Variants in HECW1 observed in about 807,000 individuals in gnomAD.
The protein encoded by HECW1 is HECT, C2 and WW domain containing E3 ubiquitin protein ligase 1, also known as E3 ubiquitin-protein ligase HECW1.
HECW1 carries 61 observed loss-of-function variants against 182.3 expected under a neutral mutation model. The observed-to-expected ratio is 0.33, with a 90% CI of 0.27 to 0.41. HECW1 has a LOEUF of 0.41. HECW1 is among the 10% of genes least tolerant of loss of function. The pLI is 1.00. For missense variants in HECW1, 1,739 were observed against 2,108.9 expected (o/e 0.82, Z 3.44); for synonymous variants, 859 against 832.6 (o/e 1.03, Z -0.55).
intron 2 of HECW1, among the ~76,000 whole-genome samples, chr7:43,168,579 G>A (rs1791367024): frequency 6.6e-6 from 1 of 152,108 alleles, no homozygotes; most frequent in African/African-American, 2.4e-5. Flanking sequence ...GGGATCACTT[G>A]AGCCTAGGAT....
At chr7:43,462,319 C>T (rs959938565) in intron 13 of HECW1, among the ~76,000 whole-genome samples, 1 of 152,086 alleles carries the variant, frequency 6.6e-6, no homozygotes, top group East Asian at 1.9e-4. Flanking sequence ...AGCTCCTCTC[C>T]TCCAGTGCAT....
At chr7:43,199,580 A>G (rs1401916677) in intron 2 of HECW1, among the ~76,000 whole-genome samples, 2 of 152,140 alleles carry the variant, frequency 1.3e-5, no homozygotes, top group Admixed American at 1.3e-4. Context: ...CTGTCAACAA[A>G]AATAAGTACA....
At chr7:43,178,003 GT>G (rs1034003694) in intron 2 of HECW1, among the ~76,000 whole-genome samples, 1 of 152,094 alleles carries the variant, frequency 6.6e-6, no homozygotes, top group African/African-American at 2.4e-5. Context: ...TGTGGGCAGG[GT>G]TTTTTTGGTT....
intron 24 of HECW1, among the ~76,000 whole-genome samples, chr7:43,516,423 TAAATAA>T (rs1226969898): frequency 1.3e-5 from 2 of 152,166 alleles, no homozygotes; most frequent in African/African-American, 4.8e-5. Flanking sequence ...TAAAATAAAA[TAAATAA>T]AAACAGTAAA....
In HECW1 at chr7:43,315,134, G is replaced by A. The variant is rs542837493; in HGVS notation, c.352+3047G>A. On this transcript the variant is annotated intron_variant, in intron 4 of 29. Transcript: ENST00000395891. ...ATAGGACTGTTCTGACATAAGAGGG[G>A]GAAGATACCTGGATGTAGAGGGTGA... Among the ~76,000 whole-genome samples, 25 of 152,298 alleles carry A rather than the reference G, an allele frequency of 1.6e-4. No individual in the cohort carries two copies. In the South Asian group the frequency reaches 5.2e-3, roughly 32 times the overall value.
chr7:43,401,567 G>GTTT (rs10574466), intron 7 of HECW1, among the ~76,000 whole-genome samples: 32,099 of 122,222 alleles, frequency 0.26, 4,114 homozygotes, highest in South Asian at 0.38. Flanking sequence ...ATTTAAAAAG[G>GTTT]TTTTTTTTTT....
chr7:43,305,363 G>C (rs7807450), intron 3 of HECW1, among the ~76,000 whole-genome samples: 1 of 151,174 alleles, frequency 6.6e-6, no homozygotes, highest in African/African-American at 2.5e-5. Context: ...CTTGGCTGCC[G>C]AGAAGCTCAG....
chr7:43,409,883 C>A (rs1216459650), intron 8 of HECW1, among the ~76,000 whole-genome samples: 1 of 152,208 alleles, frequency 6.6e-6, no homozygotes, highest in Non-Finnish European at 1.5e-5. Context: ...TCAAAGCCTT[C>A]TTTGATCAGG....
chr7:43,285,753 T>C (rs914456347), intron 3 of HECW1, among the ~76,000 whole-genome samples: 1 of 152,068 alleles, frequency 6.6e-6, no homozygotes, highest in African/African-American at 2.4e-5. Context: ...GTAATTGCAC[T>C]ACTTCACTCC....
Position 43,172,423 on chromosome 7 carries a change from T to A in HECW1, c.-32+58032T>A, listed in dbSNP as rs535424432. On this transcript the variant is annotated intron_variant, in intron 2 of 29. Coordinates refer to ENST00000395891, the MANE Select transcript of HECW1 (RefSeq NM_015052.5). ...AAAAATCTCTAGAAATCCTAGAGAT[T>A]TCTAGGATTTTTTTTTCAATAAATT... 1.2e-4 allele frequency among the ~76,000 whole-genome samples: 8 copies of A among 66,958 alleles called. No individual in the cohort carries two copies. In the South Asian group the frequency reaches 3.3e-3, roughly 27 times the overall value. 43.9% of individuals were successfully genotyped at this position (66,958 alleles called of 152,430 possible). A position where few individuals can be genotyped will look rare whatever the true frequency, so the allele number is the denominator to read the frequency against.
intron 23 of HECW1, 51 bp downstream of exon 23, chr7:43,508,182 C>A: frequency 2.4e-6 from 3 of 1,267,722 alleles, no homozygotes; most frequent in Non-Finnish European, 3.5e-6. Flanking sequence ...TGGGCCAGAG[C>A]CTCAGGGTCA....
At chr7:43,325,905 T>C (rs1810712402) in intron 5 of HECW1, among the ~76,000 whole-genome samples, 1 of 152,330 alleles carries the variant, frequency 6.6e-6, no homozygotes, top group Admixed American at 6.5e-5. Flanking sequence ...TCAACCTTTT[T>C]AGCACCTCAT....
intron 17 of HECW1, among the ~76,000 whole-genome samples, chr7:43,480,414 T>C (rs1002249539): frequency 1.3e-5 from 2 of 152,106 alleles, no homozygotes; most frequent in African/African-American, 4.8e-5. Flanking sequence ...CATGAGCAAA[T>C]TTCTTTTTAT....
chr7:43,324,820 G>A (rs966443294), intron 5 of HECW1, among the ~76,000 whole-genome samples: 3 of 152,086 alleles, frequency 2.0e-5, no homozygotes, highest in South Asian at 2.1e-4. Context: ...ATAAAATGAG[G>A]TGTACCTTTT....
At chr7:43,523,144 CA>C in intron 24 of HECW1, 1 of 330,448 alleles carries the variant, frequency 3.0e-6, no homozygotes, top group Non-Finnish European at 6.1e-6. Flanking sequence ...GCTGGGATTA[CA>C]GGTGTGTGCC....
At chr7:43,304,166 C>T (rs1320468412) in intron 3 of HECW1, among the ~76,000 whole-genome samples, 1 of 152,076 alleles carries the variant, frequency 6.6e-6, no homozygotes, top group Non-Finnish European at 1.5e-5. Context: ...CAGCAGGGCC[C>T]AGCAGCAAGT....
At chr7:43,290,808 T>G (rs1047004863) in intron 3 of HECW1, among the ~76,000 whole-genome samples, 1 of 152,196 alleles carries the variant, frequency 6.6e-6, no homozygotes, top group Non-Finnish European at 1.5e-5. Flanking sequence ...AGGGAGGCAG[T>G]GCTTGGGATC....
intron 2 of HECW1, among the ~76,000 whole-genome samples, chr7:43,170,065 G>C (rs1791525825): frequency 2.0e-5 from 3 of 152,142 alleles, no homozygotes; most frequent in Non-Finnish European, 1.5e-5. Flanking sequence ...GGCCTGTTGG[G>C]AACTGGGCCT....
chr7:43,505,532 G>C (rs1016289472), intron 21 of HECW1, among the ~76,000 whole-genome samples: 5 of 152,184 alleles, frequency 3.3e-5, no homozygotes, highest in Non-Finnish European at 5.9e-5. Context: ...ACCTTGTCCT[G>C]TTTCATGCAG....
Sources: allele counts gnomAD v4.1 joint callset (sites outside exome capture counted in the v4.1 genomes callset), GRCh38; gene constraint gnomAD v4.1.1; transcripts MANE v1.5; gene names NCBI Gene and HGNC (gene_info 2026-07-23, HGNC 2026-07-21).